LARS1: variants seen among roughly 807,000 people sequenced by gnomAD.
LARS1 encodes leucyl-tRNA synthetase 1, also known as leucine--tRNA ligase, cytoplasmic.
In LARS1, 100 loss-of-function variants were observed where a neutral mutation model predicts 162.8. The ratio of observed to expected loss-of-function variants is 0.61; its 90% CI spans 0.52 to 0.73. The LOEUF (loss-of-function observed/expected upper bound fraction) is 0.73. LARS1 is among the 30% of genes least tolerant of loss of function. The pLI, the probability that LARS1 is intolerant of heterozygous loss-of-function variation, is 0.00. For missense variants in LARS1, 1,258 were observed against 1,408.9 expected (o/e 0.89, Z 1.71); for synonymous variants, 457 against 462.8 (o/e 0.99, Z 0.16).
At position 146,164,339 on chromosome 5, in the gene LARS1, T is replaced by C. The variant is rs199808937; in HGVS notation, c.565A>G (p.Ile189Val). The stretch of plus-strand genomic sequence containing the variant: ...AAACCCATTCTTTTTAAATCCTGAA[T>C]AGCCAGTGGCGGGAAATAATCAAGC... ...HWLDYFPPLA[I>V]QDLKRMGLKV... The change falls in exon 6 of 32, where the codon ATT (isoleucine) becomes GTT (valine). Residue 189 changes from isoleucine to valine, a missense_variant. By Grantham distance (29) the Ile-to-Val change is conservative. Transcript: ENST00000394434. The C allele has an allele frequency of 4.6e-5, 75 of 1,613,980 alleles. No individual in the cohort carries two copies. The highest frequency in any genetic ancestry group is 2.8e-5 in the Non-Finnish European group (33 of 1,179,984).
intron 27 of LARS1, among the ~76,000 whole-genome samples, chr5:146,127,330 TG>T (rs966135128): frequency 2.6e-4 from 40 of 152,060 alleles, no homozygotes; most frequent in Admixed American, 2.6e-3. Context: ...AGAAAAAGGG[TG>T]GGAAACACTC....
At chr5:146,114,462 G>C in intron 31 of LARS1, 151 bp from the exon 32 acceptor site, 1 of 670,904 alleles carries the variant, frequency 1.5e-6, no homozygotes, top group Admixed American at 2.7e-5. Flanking sequence ...CGCTGGGTGC[G>C]GTGGCTCACA....
chr5:146,168,000 G>T, intron 5 of LARS1, 128 bp downstream of exon 5: 4 of 771,916 alleles, frequency 5.2e-6, no homozygotes, highest in Non-Finnish European at 5.8e-6. Flanking sequence ...ATAATTTTTT[G>T]CTTTGATACT....
At chr5:146,174,501 C>CATATATATATATATCCAT (rs1754435318) in intron 2 of LARS1, among the ~76,000 whole-genome samples, 58 of 22,212 alleles carry the variant, frequency 2.6e-3, no homozygotes, top group African/African-American at 0.012. Flanking sequence ...TATATATATC[C>CATATATATATATATCCAT]ATATATATAT....
chr5:146,145,498 C>T (rs1253963300), intron 15 of LARS1, among the ~76,000 whole-genome samples: 1 of 152,022 alleles, frequency 6.6e-6, no homozygotes, highest in Non-Finnish European at 1.5e-5. Flanking sequence ...AAAATTTCCA[C>T]TAGAAAACTG....
At chr5:146,167,204 A>C (rs1754050102) in intron 5 of LARS1, among the ~76,000 whole-genome samples, 1 of 152,198 alleles carries the variant, frequency 6.6e-6, no homozygotes, top group Non-Finnish European at 1.5e-5. Context: ...TGGAAGAGAA[A>C]AGGACATTAG....
intron 23 of LARS1, chr5:146,131,906 C>T (rs1176059801): frequency 6.6e-6 from 1 of 152,296 alleles, no homozygotes; most frequent in Non-Finnish European, 1.5e-5. Context: ...CAACCTGTTT[C>T]ATTTCCTACC....
chr5:146,117,262 T>C (rs1449298645), intron 31 of LARS1, among the ~76,000 whole-genome samples: 1 of 152,010 alleles, frequency 6.6e-6, no homozygotes. Context: ...TTTAACATAA[T>C]ATAATACAAT....
At chr5:146,168,930 G>A (rs377458497) in intron 4 of LARS1, among the ~76,000 whole-genome samples, 2 of 151,890 alleles carry the variant, frequency 1.3e-5, no homozygotes, top group African/African-American at 4.8e-5. Context: ...TGTCAGGAGG[G>A]GGGAGGGATA....
At chr5:146,128,948 C>T (rs757888212) in intron 26 of LARS1, 30 bp downstream of exon 26, 4 of 1,542,402 alleles carry the variant, frequency 2.6e-6, no homozygotes, top group African/African-American at 1.4e-5. Context: ...AAGGAATAAT[C>T]CTTTAAAAAA....
At chr5:146,133,329 G>C (rs1752369296) in intron 22 of LARS1, among the ~76,000 whole-genome samples, 1 of 152,096 alleles carries the variant, frequency 6.6e-6, no homozygotes, top group South Asian at 2.1e-4. Context: ...TTCTTCTCAG[G>C]CATGTTGAGT....
chr5:146,174,404 C>T (rs1754416053), intron 2 of LARS1, among the ~76,000 whole-genome samples: 2 of 145,490 alleles, frequency 1.4e-5, no homozygotes, highest in South Asian at 4.3e-4. Context: ...GAGATCACAC[C>T]ATTGCACTCC....
At chr5:146,146,526 C>A (rs1581044607) in intron 15 of LARS1, among the ~76,000 whole-genome samples, 5 of 55,864 alleles carry the variant, frequency 9.0e-5, no homozygotes, top group South Asian at 7.6e-4. Flanking sequence ...CTACCTATGC[C>A]AGAACCAAAA....
At chr5:146,154,131 T>TTAAGG in intron 10 of LARS1, 151 bp from the exon 11 acceptor site, 1 of 612,476 alleles carries the variant, frequency 1.6e-6, no homozygotes. Flanking sequence ...ATGGTGACTA[T>TTAAGG]AGGAAATAAC....
At chr5:146,119,668 T>A (rs917432154) in intron 31 of LARS1, among the ~76,000 whole-genome samples, 1 of 152,194 alleles carries the variant, frequency 6.6e-6, no homozygotes, top group African/African-American at 2.4e-5. Flanking sequence ...AGAAAAGCCA[T>A]AAATTATTAC....
chr5:146,178,313 A>G (rs1754688138), intron 1 of LARS1, among the ~76,000 whole-genome samples: 1 of 152,052 alleles, frequency 6.6e-6, no homozygotes, highest in African/African-American at 2.4e-5. Flanking sequence ...AACTGTTCAT[A>G]TGAAATTTAA....
intron 10 of LARS1, among the ~76,000 whole-genome samples, chr5:146,155,072 G>A (rs894327840): frequency 6.6e-6 from 1 of 152,024 alleles, no homozygotes. Flanking sequence ...GGCTGGTCTT[G>A]AACTCCTGAC....
chr5:146,145,873 T>C lies in LARS1; in HGVS notation c.1504-1164A>G, dbSNP rs150295308. Among the ~76,000 whole-genome samples the C allele has an allele frequency of 3.6e-4, 54 of 151,994 alleles. 1 individual carries two copies. Among genetic ancestry groups the C allele is most frequent in the Non-Finnish European group, 6.8e-4 (46 of 67,990 alleles). On this transcript the variant is annotated intron_variant, in intron 15 of 31. Transcript: ENST00000394434. ...CATGAACCTACAAAGTCAAAATGAA[T>C]GAGAAGAAAAAATATTAACTGAATT...
At chr5:146,177,507 T>C (rs1222326458) in intron 2 of LARS1, 40 bp downstream of exon 2, 2 of 349,398 alleles carry the variant, frequency 5.7e-6, no homozygotes, top group Middle Eastern at 9.8e-4. Context: ...TATATATATA[T>C]AGAAATACAA....
Sources: gnomAD v4.1 joint callset for allele counts (sites outside exome capture counted in the v4.1 genomes callset) on GRCh38, gnomAD v4.1.1 for gene constraint, MANE v1.5 for transcripts, NCBI Gene and HGNC (gene_info 2026-07-23, HGNC 2026-07-21) for gene names.